Variants in CSMD1 observed in about 807,000 individuals in gnomAD.
CSMD1 encodes CUB and Sushi multiple domains 1.
Under a neutral mutation model 417.5 loss-of-function variants are expected in CSMD1, and 213 were observed. The ratio of observed to expected loss-of-function variants is 0.51; its 90% CI spans 0.46 to 0.57. The LOEUF (loss-of-function observed/expected upper bound fraction) is 0.57. Ranked by LOEUF, CSMD1 falls within the 20% of genes least tolerant of loss-of-function variation. The pLI is 0.00. For missense variants in CSMD1, 6,923 were observed against 4,529.7 expected, an observed-to-expected ratio of 1.53 and a Z score of -15.17; for synonymous variants, 2,862 against 1,736.8, an observed-to-expected ratio of 1.65 and a Z score of -16.11.
At chr8:4,067,819 C>A (rs1233294006) in intron 3 of CSMD1, among the ~76,000 whole-genome samples, 1 of 151,894 alleles carries the variant, frequency 6.6e-6, no homozygotes, top group African/African-American at 2.4e-5. Flanking sequence ...TGGCTCATGT[C>A]TGTGATCCCA....
intron 3 of CSMD1, among the ~76,000 whole-genome samples, chr8:4,349,806 A>C (rs1800982044): frequency 6.7e-6 from 1 of 149,944 alleles, no homozygotes; most frequent in Non-Finnish European, 1.5e-5. Flanking sequence ...CTTAAAATTA[A>C]AATATGATAT....
intron 8 of CSMD1, among the ~76,000 whole-genome samples, chr8:3,605,148 T>C (rs1198804060): frequency 1.3e-5 from 2 of 152,122 alleles, no homozygotes; most frequent in Non-Finnish European, 2.9e-5. Context: ...GCGCATGCCA[T>C]GTCTGGCTAA....
At chr8:3,735,531 G>C (rs1219928765) in intron 6 of CSMD1, among the ~76,000 whole-genome samples, 1 of 152,196 alleles carries the variant, frequency 6.6e-6, no homozygotes, top group Non-Finnish European at 1.5e-5. Context: ...CAGTTACACA[G>C]TAAAAAGCAA....
At chr8:4,891,646 T>A (rs1179144992) in intron 1 of CSMD1, among the ~76,000 whole-genome samples, 2 of 152,086 alleles carry the variant, frequency 1.3e-5, no homozygotes, top group Non-Finnish European at 2.9e-5. Flanking sequence ...GAATCCAAAT[T>A]TATTGAAATT....
At chr8:3,322,571 C>T (rs1199065381) in intron 23 of CSMD1, among the ~76,000 whole-genome samples, 2 of 152,142 alleles carry the variant, frequency 1.3e-5, no homozygotes, top group Admixed American at 6.5e-5. Flanking sequence ...CTTGTTCCCT[C>T]AGTTGGTTTC....
intron 2 of CSMD1, among the ~76,000 whole-genome samples, chr8:4,494,086 G>A (rs1184665810): frequency 6.6e-6 from 1 of 152,118 alleles, no homozygotes; most frequent in African/African-American, 2.4e-5. Flanking sequence ...GACAACACAA[G>A]GCTTCCAAAG....
chr8:4,847,977 A>G (rs1017546998), intron 1 of CSMD1, among the ~76,000 whole-genome samples: 2 of 151,716 alleles, frequency 1.3e-5, no homozygotes, highest in Non-Finnish European at 2.9e-5. Flanking sequence ...GCAAACACAC[A>G]CCACCCTCTC....
chr8:4,495,303 C>T (rs866289668), intron 2 of CSMD1, among the ~76,000 whole-genome samples: 12 of 152,114 alleles, frequency 7.9e-5, no homozygotes, highest in East Asian at 1.9e-4. Context: ...CAGCTGGGCA[C>T]GGTGGCTCAC....
intron 1 of CSMD1, among the ~76,000 whole-genome samples, chr8:4,796,915 C>T (rs1434286656): frequency 6.6e-6 from 1 of 152,188 alleles, no homozygotes; most frequent in Non-Finnish European, 1.5e-5. Context: ...CATTAGGTCT[C>T]TGAGTGTGGC....
At chr8:3,800,382 C>T (rs1330056097) in intron 5 of CSMD1, among the ~76,000 whole-genome samples, 1 of 152,054 alleles carries the variant, frequency 6.6e-6, no homozygotes, top group South Asian at 2.1e-4. Flanking sequence ...AATGAGCTTA[C>T]ACAATGAATT....
chr8:4,561,323 G>A (rs1318127329), intron 2 of CSMD1, among the ~76,000 whole-genome samples: 2 of 152,090 alleles, frequency 1.3e-5, no homozygotes, highest in Non-Finnish European at 2.9e-5. Context: ...GCAGTGAATC[G>A]AGATCATGCC....
intron 3 of CSMD1, among the ~76,000 whole-genome samples, chr8:4,228,344 T>C (rs1470725282): frequency 6.6e-6 from 1 of 152,146 alleles, no homozygotes; most frequent in African/African-American, 2.4e-5. Flanking sequence ...AATTCCTCCC[T>C]CCCATTTTCC....
intron 1 of CSMD1, among the ~76,000 whole-genome samples, chr8:4,934,091 G>C (rs1437502647): frequency 6.6e-6 from 1 of 152,060 alleles, no homozygotes; most frequent in South Asian, 2.1e-4. Flanking sequence ...AGAACTTTGA[G>C]GCGGCAGCCG....
chr8:4,067,706 TGTTA>T (rs1799325508), intron 3 of CSMD1, among the ~76,000 whole-genome samples: 1 of 152,164 alleles, frequency 6.6e-6, no homozygotes, highest in African/African-American at 2.4e-5. Context: ...AAACTTTCCA[TGTTA>T]GATAGTGTAA....
intron 5 of CSMD1, among the ~76,000 whole-genome samples, chr8:3,875,163 G>A (rs577295142): frequency 1.3e-5 from 2 of 152,276 alleles, no homozygotes; most frequent in Non-Finnish European, 2.9e-5. Context: ...CGACACTGGG[G>A]AATGGACTGT....
intron 3 of CSMD1, among the ~76,000 whole-genome samples, chr8:4,403,696 T>C (rs1053845219): frequency 6.6e-6 from 1 of 152,146 alleles, no homozygotes; most frequent in Non-Finnish European, 1.5e-5. Context: ...AAAATACTCT[T>C]TTGACCTCTT....
In CSMD1 at chr8:3,957,448, C is replaced by A. The variant is rs549664240; in HGVS notation, c.818+40455G>T. Among the ~76,000 whole-genome samples, 37 of 152,268 alleles carry A rather than the reference C, an allele frequency of 2.4e-4. 1 individual carries two copies. The highest frequency in any genetic ancestry group is 3.8e-4 in the Non-Finnish European group (26 of 68,028). On this transcript the variant is annotated intron_variant, in intron 5 of 69. Coordinates refer to ENST00000635120, the MANE Select transcript of CSMD1 (RefSeq NM_033225.6). ...AACCCAGCACTTTGGGAGGCCAAAG[C>A]AGGAGAAGCCCCTGAGCCTAGGAGT...
At chr8:3,301,785 A>G (rs899521687) in intron 25 of CSMD1, among the ~76,000 whole-genome samples, 1 of 152,128 alleles carries the variant, frequency 6.6e-6, no homozygotes, top group African/African-American at 2.4e-5. Flanking sequence ...AGGGTATTTG[A>G]GAGATTGGAG....
intron 25 of CSMD1, among the ~76,000 whole-genome samples, chr8:3,298,654 A>G (rs966605063): frequency 2.0e-5 from 3 of 152,144 alleles, no homozygotes; most frequent in Admixed American, 1.3e-4. Context: ...GAGTTTCACC[A>G]TGTTGATCAG....
Sources: gnomAD v4.1 joint callset for allele counts (sites outside exome capture counted in the v4.1 genomes callset) on GRCh38, gnomAD v4.1.1 for gene constraint, MANE v1.5 for transcripts, NCBI Gene and HGNC (gene_info 2026-07-23, HGNC 2026-07-21) for gene names.